EVI5: variants seen among roughly 807,000 people sequenced by gnomAD.
EVI5 encodes the protein ecotropic viral integration site 5, also known as ecotropic viral integration site 5 protein homolog.
In EVI5, 73 loss-of-function variants were observed where a neutral mutation model predicts 112.0. The observed-to-expected ratio is 0.65, with a 90% CI of 0.54 to 0.79. EVI5 has a LOEUF of 0.79. Ranked by LOEUF, EVI5 falls within the 30% of genes least tolerant of loss-of-function variation. EVI5 has a pLI of 0.00. For synonymous variants in EVI5, 305 were observed against 319.9 expected (o/e 0.95, Z 0.50); for missense variants, 900 against 968.8 (o/e 0.93, Z 0.94).
At chr1:92,656,976 A>G (rs1466358029) in intron 13 of EVI5, among the ~76,000 whole-genome samples, 3 of 152,114 alleles carry the variant, frequency 2.0e-5, no homozygotes, top group Non-Finnish European at 4.4e-5. Context: ...ACTAGTACCA[A>G]TTCTCCTGAA....
intron 18 of EVI5, among the ~76,000 whole-genome samples, chr1:92,571,887 T>C (rs944206002): frequency 6.6e-6 from 1 of 152,134 alleles, no homozygotes; most frequent in African/African-American, 2.4e-5. Flanking sequence ...TAAAACTAAT[T>C]AGGTAAGTAA....
chr1:92,619,719 G>A (rs749357117), intron 16 of EVI5, among the ~76,000 whole-genome samples: 9 of 150,966 alleles, frequency 6.0e-5, no homozygotes, highest in African/African-American at 1.9e-4. Flanking sequence ...TCAGGAGTTC[G>A]AGACCTGGGC....
intron 18 of EVI5, among the ~76,000 whole-genome samples, chr1:92,589,475 G>T (rs943587901): frequency 1.3e-5 from 2 of 152,158 alleles, no homozygotes; most frequent in African/African-American, 4.8e-5. Flanking sequence ...TGTATCCTGT[G>T]CCTGGCTTGG....
chr1:92,633,774 C>A (rs573151314), intron 14 of EVI5, among the ~76,000 whole-genome samples: 5 of 152,142 alleles, frequency 3.3e-5, no homozygotes, highest in Non-Finnish European at 7.3e-5. Context: ...TCTTCCTAGC[C>A]TCTATGGTCT....
chr1:92,510,343 T>C lies in EVI5; in HGVS notation c.*3313A>G, dbSNP rs1659112809. On this transcript the variant is annotated 3_prime_UTR_variant, in exon 20 of 20. Transcript: ENST00000684568. ...AAAGAACAGTGATGGGATTCTGGAG[T>C]TCTTTCCTTTCTTTCTCCTTCTCCA... 6.6e-6 allele frequency: 1 copy of C among 152,174 alleles called. No homozygotes were observed. The highest frequency in any genetic ancestry group is 1.5e-5 in the Non-Finnish European group (1 of 68,038). The allele number at this position is 152,174 out of a possible 1,614,324, so 9.4% of individuals were successfully genotyped here.
intron 18 of EVI5, among the ~76,000 whole-genome samples, chr1:92,570,997 T>A (rs1007706083): frequency 5.9e-5 from 9 of 151,954 alleles, no homozygotes; most frequent in African/African-American, 2.2e-4. Context: ...CTATTCACTG[T>A]GGAAAAAAGA....
chr1:92,698,034 C>T (rs1193519121), intron 5 of EVI5, 49 bp from the exon 6 acceptor site: 2 of 1,533,238 alleles, frequency 1.3e-6, no homozygotes. Context: ...CTCTGATACA[C>T]AAATAAACCA....
chr1:92,739,117 AC>A (rs1677927843), intron 1 of EVI5, among the ~76,000 whole-genome samples: 1 of 152,014 alleles, frequency 6.6e-6, no homozygotes, highest in South Asian at 2.1e-4. Flanking sequence ...TACTAAAAAT[AC>A]AAAAATTAGC....
chr1:92,665,496 A>C (rs1352018343), intron 11 of EVI5, among the ~76,000 whole-genome samples: 1 of 152,208 alleles, frequency 6.6e-6, no homozygotes, highest in Non-Finnish European at 1.5e-5. Flanking sequence ...AATCAACATG[A>C]GTGAATTTTT....
intron 19 of EVI5, among the ~76,000 whole-genome samples, chr1:92,547,434 A>G (rs1226087257): frequency 1.3e-5 from 2 of 152,228 alleles, no homozygotes; most frequent in African/African-American, 4.8e-5. Context: ...TCACAATTAA[A>G]AGAACTAGAG....
At chr1:92,719,273 T>C (rs1045352480) in intron 2 of EVI5, among the ~76,000 whole-genome samples, 2 of 151,914 alleles carry the variant, frequency 1.3e-5, no homozygotes, top group Admixed American at 1.3e-4. Context: ...ACATCCCTCA[T>C]GAACATCAAT....
At chr1:92,638,015 C>A (rs921178532) in intron 13 of EVI5, among the ~76,000 whole-genome samples, 3 of 152,138 alleles carry the variant, frequency 2.0e-5, no homozygotes, top group African/African-American at 7.2e-5. Flanking sequence ...ATGACCACAT[C>A]CAAACTAGAT....
chr1:92,662,678 G>C lies in EVI5; in HGVS notation c.1392+41C>G, dbSNP rs1348116667. The C allele has an allele frequency of 3.5e-6, 4 of 1,127,586 alleles. No individual in the cohort carries two copies. In the East Asian group the frequency reaches 3.0e-4, roughly 86 times the overall value. 69.8% of individuals were successfully genotyped at this position (1,127,586 alleles called of 1,614,324 possible). ...GAAAAAAAAAATGATTGAAAGGAAG[G>C]GGGATGAGAAAGATGAGAAAAGCAC... On this transcript the variant is annotated intron_variant, in intron 13 of 19. Transcript: ENST00000684568.
intron 16 of EVI5, among the ~76,000 whole-genome samples, chr1:92,621,028 T>G (rs1654443753): frequency 6.6e-6 from 1 of 151,968 alleles, no homozygotes. Flanking sequence ...TATTTATAAT[T>G]TATTATTTGA....
chr1:92,592,941 C>T (rs931552608), intron 18 of EVI5, among the ~76,000 whole-genome samples: 1 of 151,964 alleles, frequency 6.6e-6, no homozygotes, highest in African/African-American at 2.4e-5. Context: ...GCTTACCAAC[C>T]AAAAAAAGTC....
At position 92,785,056 on chromosome 1, in the gene EVI5, C is replaced by T. The variant is rs908351403; in HGVS notation, c.-302G>A. ...GTCGGAACTGCAGCCAGCCCCTTGC[C>T]AGCTGGCCAGCTGGTTCCTCCGGGG... On this transcript the variant is annotated 5_prime_UTR_variant, in exon 1 of 20. Coordinates refer to ENST00000684568, the MANE Select transcript of EVI5 (RefSeq NM_001350197.2). 4.5e-5 allele frequency: 44 copies of T among 985,390 alleles called. No homozygotes were observed. Among genetic ancestry groups the T allele is most frequent in the Admixed American group, 2.5e-4 (4 of 16,272 alleles). 61.0% of individuals were successfully genotyped at this position (985,390 alleles called of 1,614,324 possible). A position where few individuals can be genotyped will look rare whatever the true frequency, so the allele number is the denominator to read the frequency against.
intron 18 of EVI5, among the ~76,000 whole-genome samples, chr1:92,579,555 A>T (rs1671614342): frequency 6.6e-6 from 1 of 152,160 alleles, no homozygotes; most frequent in Admixed American, 6.5e-5. Flanking sequence ...TTTTAATGTG[A>T]TGGTTTGGTT....
Position 92,739,989 on chromosome 1 carries a change from A to G in EVI5, c.-81-3362T>C, listed in dbSNP as rs63208860. 1.4e-3 allele frequency among the ~76,000 whole-genome samples: 184 copies of G among 133,238 alleles called. 1 individual carries two copies. The highest frequency in any genetic ancestry group is 6.8e-3 in the Admixed American group (88 of 12,886). The allele number at this position is 133,238 out of a possible 152,430, so 87.4% of individuals were successfully genotyped here. On this transcript the variant is annotated intron_variant, in intron 1 of 19. Coordinates refer to ENST00000684568, the MANE Select transcript of EVI5 (RefSeq NM_001350197.2). ...CAAGTTACCTTTAAAAAAAAAAAAAAGGGGCAGTGCGGCAGAACACATTTC... is the reference window on the plus strand; with the variant it reads ...CAAGTTACCTTTAAAAAAAAAAAAAGGGGGCAGTGCGGCAGAACACATTTC...
At chr1:92,672,200 C>T (rs542731172) in intron 10 of EVI5, among the ~76,000 whole-genome samples, 3 of 152,182 alleles carry the variant, frequency 2.0e-5, no homozygotes, top group African/African-American at 2.4e-5. Context: ...AACACAGCAA[C>T]CAGAATGATC....
Sources: allele counts gnomAD v4.1 joint callset (sites outside exome capture counted in the v4.1 genomes callset), GRCh38; gene constraint gnomAD v4.1.1; transcripts MANE v1.5; gene names NCBI Gene and HGNC (gene_info 2026-07-23, HGNC 2026-07-21).